The following RAPGEF2 variants were observed in gnomAD, a reference collection of about 807,000 sequenced individuals.
RAPGEF2 encodes the protein PDZ domain containing guanine nucleotide exchange factor (GEF) 1.
RAPGEF2 carries 54 observed loss-of-function variants against 186.7 expected under a neutral mutation model. The ratio of observed to expected loss-of-function variants is 0.29; its 90% CI spans 0.23 to 0.36. The LOEUF (loss-of-function observed/expected upper bound fraction) is 0.36, where lower values mean the gene tolerates loss of function less well. RAPGEF2 is among the 10% of genes least tolerant of loss of function. The probability of loss-of-function intolerance (pLI) is 1.00; values close to 1 mark genes in which losing one functional copy is unlikely to be tolerated. For synonymous variants in RAPGEF2, 712 were observed against 705.9 expected (o/e 1.01, Z -0.14); for missense variants, 1,532 against 2,045.0 (o/e 0.75, Z 4.84).
intron 1 of RAPGEF2, among the ~76,000 whole-genome samples, chr4:159,154,051 T>G (rs1743849629): frequency 6.6e-6 from 1 of 152,264 alleles, no homozygotes; most frequent in Non-Finnish European, 1.5e-5. Flanking sequence ...GTTGATTAAC[T>G]TCTTTAGGCT....
At chr4:159,197,546 G>A (rs1041484510) in intron 3 of RAPGEF2, among the ~76,000 whole-genome samples, 1 of 152,170 alleles carries the variant, frequency 6.6e-6, no homozygotes, top group African/African-American at 2.4e-5. Flanking sequence ...TTTGTAAGGG[G>A]TTTCTCTCTC....
chr4:159,311,353 T>C (rs989878027), intron 8 of RAPGEF2, among the ~76,000 whole-genome samples: 3 of 152,164 alleles, frequency 2.0e-5, no homozygotes, highest in African/African-American at 7.2e-5. Flanking sequence ...GTGTGGTGTT[T>C]AACAGAATTT....
rs1356122962 is a variant in RAPGEF2 at position 159,243,938 on chromosome 4, G to A, written c.543+147G>A. On this transcript the variant is annotated intron_variant, in intron 7 of 29. Transcript: ENST00000691494. ...CTAATTTACTTTGAAATTATCAGTGGTTTGGGTGGTAGAATAGGCTGCTTG... is the reference window on the plus strand; with the variant it reads ...CTAATTTACTTTGAAATTATCAGTGATTTGGGTGGTAGAATAGGCTGCTTG... The A allele has an allele frequency of 1.1e-5, 6 of 535,952 alleles. No individual in the cohort carries two copies. The East Asian group carries it at 2.0e-4, about 18-fold the overall frequency. The allele number at this position is 535,952 out of a possible 1,614,324, so 33.2% of individuals were successfully genotyped here. A position where few individuals can be genotyped will look rare whatever the true frequency, so the allele number is the denominator to read the frequency against.
intron 9 of RAPGEF2, among the ~76,000 whole-genome samples, chr4:159,318,437 A>G (rs1764859519): frequency 6.6e-6 from 1 of 152,224 alleles, no homozygotes; most frequent in African/African-American, 2.4e-5. Flanking sequence ...AAAAAGGGAC[A>G]GATTATGTCC....
chr4:159,209,707 G>A (rs1347691965), intron 3 of RAPGEF2, among the ~76,000 whole-genome samples: 1 of 152,222 alleles, frequency 6.6e-6, no homozygotes, highest in Non-Finnish European at 1.5e-5. Context: ...ACTACCTGTG[G>A]AGGACAGTTT....
chr4:159,356,186 C>T (rs773763559), intron 29 of RAPGEF2, 28 bp downstream of exon 29: 4 of 1,592,510 alleles, frequency 2.5e-6, no homozygotes, highest in Non-Finnish European at 2.6e-6. Flanking sequence ...TTCCTAAAAC[C>T]TCCAAGTTAG....
intron 1 of RAPGEF2, among the ~76,000 whole-genome samples, chr4:159,165,463 G>A (rs949741865): frequency 2.0e-5 from 3 of 152,070 alleles, no homozygotes; most frequent in Non-Finnish European, 2.9e-5. Context: ...ATCTCTATCT[G>A]TATACATAAA....
At chr4:159,331,871 G>A (rs780759764) in intron 15 of RAPGEF2, 38 bp downstream of exon 15, 21 of 1,596,556 alleles carry the variant, frequency 1.3e-5, no homozygotes, top group Non-Finnish European at 1.5e-5. Context: ...GTGAATTTTG[G>A]TGTCTGGTTT....
In RAPGEF2 at chr4:159,343,386, C is replaced by T; in HGVS notation, c.3236C>T (p.Ala1079Val). The T allele has an allele frequency of 6.2e-7, 1 of 1,613,946 alleles. No individual in the cohort carries two copies. Among genetic ancestry groups the T allele is most frequent in the Non-Finnish European group, 8.5e-7 (1 of 1,179,906 alleles). The change falls in exon 22 of 30, where the codon GCC (alanine) becomes GTC (valine). Residue 1079 changes from alanine (A) to valine (V), a missense_variant. Ala to Val is a moderately conservative substitution (Grantham distance 64). Transcript: ENST00000691494. ...GRMASVNMDP[A>V]LMFRTRKKKW... ...ATGGCTTCAGTGAACATGGACCCTG[C>T]CCTCATGTTCAGGACTCGGTGAGTA...
At chr4:159,351,302 C>CTTT in intron 26 of RAPGEF2, 11 of 895,390 alleles carry the variant, frequency 1.2e-5, no homozygotes, top group African/African-American at 5.3e-5. Context: ...TTTTCTGAAA[C>CTTT]TTTTTTTTTT....
At chr4:159,315,564 C>A (rs192141217) in intron 9 of RAPGEF2, among the ~76,000 whole-genome samples, 1 of 152,040 alleles carries the variant, frequency 6.6e-6, no homozygotes, top group African/African-American at 2.4e-5. Context: ...TTGCGGAAAC[C>A]GGTAGTGGCC....
intron 28 of RAPGEF2, 138 bp downstream of exon 28, chr4:159,354,184 G>A (rs1731619616): frequency 1.0e-6 from 1 of 974,824 alleles, no homozygotes; most frequent in South Asian, 1.9e-5. Context: ...AATTAGTGGT[G>A]TGTTAAGGTC....
At chr4:159,242,332 C>T (rs1754115533) in intron 6 of RAPGEF2, among the ~76,000 whole-genome samples, 1 of 151,490 alleles carries the variant, frequency 6.6e-6, no homozygotes, top group African/African-American at 2.4e-5. Context: ...TTTACATTCC[C>T]CAGTTGTTTT....
Position 159,353,422 on chromosome 4 carries a change from T to C in RAPGEF2, c.4092-65T>C. 1 of 1,316,248 alleles carries C rather than the reference T, an allele frequency of 7.6e-7. No homozygotes were observed. The allele number at this position is 1,316,248 out of a possible 1,614,324, so 81.5% of individuals were successfully genotyped here. A position where few individuals can be genotyped will look rare whatever the true frequency, so the allele number is the denominator to read the frequency against. ...TCTAGGAAAAAGGGTATTTTGGTTT[T>C]ATCATAGGTGAATTAGTTATCAATC... On this transcript the variant is annotated intron_variant, in intron 27 of 29. Coordinates refer to ENST00000691494, the MANE Select transcript of RAPGEF2 (RefSeq NM_001394067.2). The surrounding 1 kb of genome is among the most constrained non-coding windows in gnomAD (Gnocchi z 4.3).
chr4:159,268,146 T>C (rs1339595215), intron 7 of RAPGEF2: 18 of 1,613,536 alleles, frequency 1.1e-5, no homozygotes, highest in African/African-American at 2.7e-5. Flanking sequence ...TCAGCATATG[T>C]TTCTTCATTA....
chr4:159,129,536 A>G (rs1740773184), intron 1 of RAPGEF2, among the ~76,000 whole-genome samples: 1 of 152,146 alleles, frequency 6.6e-6, no homozygotes, highest in Non-Finnish European at 1.5e-5. Flanking sequence ...TCAACCTTAT[A>G]AAGCATGAGG....
intron 8 of RAPGEF2, among the ~76,000 whole-genome samples, chr4:159,314,090 A>G (rs1347876377): frequency 1.3e-5 from 2 of 152,218 alleles, no homozygotes; most frequent in Non-Finnish European, 2.9e-5. Flanking sequence ...GGATAATCCA[A>G]CTAATTGTTA....
At chr4:159,322,555 C>T in intron 10 of RAPGEF2, 72 bp downstream of exon 10, 1 of 1,328,908 alleles carries the variant, frequency 7.5e-7, no homozygotes, top group South Asian at 1.3e-5. Context: ...GAACAAAACC[C>T]CAATTCTTAC....
intron 4 of RAPGEF2, among the ~76,000 whole-genome samples, chr4:159,230,437 T>C (rs1423885622): frequency 6.6e-6 from 1 of 152,208 alleles, no homozygotes. Context: ...AGAAGTAACT[T>C]TTGAAAGATA....
Sources: gnomAD v4.1 joint callset for allele counts (sites outside exome capture counted in the v4.1 genomes callset) on GRCh38, gnomAD v4.1.1 for gene constraint, Gnocchi (gnomAD v3.1) non-coding constraint, MANE v1.5 for transcripts, NCBI Gene and HGNC (gene_info 2026-07-23, HGNC 2026-07-21) for gene names.